Variants in PASD1 observed in about 807,000 individuals in gnomAD.
PASD1 encodes circadian clock protein PASD1.
PASD1 carries 13 observed loss-of-function variants against 58.8 expected under a neutral mutation model. The observed-to-expected ratio is 0.22, with a 90% CI of 0.14 to 0.35. The LOEUF (loss-of-function observed/expected upper bound fraction) is 0.35. PASD1 is among the 10% of genes least tolerant of loss of function. PASD1 has a pLI of 1.00. For synonymous variants in PASD1, 236 were observed against 216.7 expected (o/e 1.09, Z -0.78); for missense variants, 734 against 568.3 (o/e 1.29, Z -2.96).
chrX:151,570,597 A>G (rs950650875), intron 1 of PASD1, among the ~76,000 whole-genome samples: 2 of 112,436 alleles, frequency 1.8e-5, no homozygotes, highest in African/African-American at 3.2e-5. Context: ...TTTGGGAAGT[A>G]TTGTAGGGAA....
intron 1 of PASD1, among the ~76,000 whole-genome samples, chrX:151,584,693 C>T (rs182514741): frequency 8.7e-4 from 97 of 111,886 alleles, no homozygotes; most frequent in Non-Finnish European, 1.2e-3. Flanking sequence ...TTCTCTAACC[C>T]TTTGAAACAT....
chrX:151,634,484 T>C (rs2013905668), intron 8 of PASD1, among the ~76,000 whole-genome samples: 1 of 111,302 alleles, frequency 9.0e-6, no homozygotes, highest in Non-Finnish European at 1.9e-5. Context: ...TTGTCAGTTA[T>C]CTTTTGTAGC....
At position 151,671,715 on chromosome X, in the gene PASD1, TATC is replaced by T; in HGVS notation, c.1374_1376del (p.Leu458_Ser459delinsPhe). The T allele has an allele frequency of 8.3e-7, 1 of 1,210,911 alleles. No homozygotes were observed. Among genetic ancestry groups the T allele is most frequent in the Non-Finnish European group, 1.1e-6 (1 of 894,573 alleles). On this transcript the variant is annotated inframe_deletion, in exon 13 of 16. Coordinates refer to ENST00000370357, the MANE Select transcript of PASD1 (RefSeq NM_173493.3). ...AAGGACGTCAAGTGTTTCTGTGGTT[TATC>T]TTTATCCAACTCTCTCAAAAACACT... is the stretch of plus-strand genomic sequence containing the variant.
rs751275851 is a variant in PASD1, at chrX:151,611,708, C to T, written c.162C>T (p.Ile54=). The T allele has an allele frequency of 8.3e-7, 1 of 1,207,339 alleles. No individual in the cohort carries two copies. ...FMITLSTDGV[I]ICVAENISSL... is the part of the protein sequence containing the mutation. The stretch of plus-strand genomic sequence containing the variant: ...TTACACTGAGCACAGATGGAGTGAT[C>T]ATTTGTGTGGCTGAAAACATCTCTT... Residue 54 remains isoleucine (I), a synonymous_variant, in exon 4 of 16, where the codon ATC becomes ATT. Coordinates refer to ENST00000370357, the MANE Select transcript of PASD1 (RefSeq NM_173493.3).
rs2013769445 is a variant in PASD1 at position 151,625,323 on chromosome X, T to A, written c.547-125T>A. The A allele has an allele frequency of 1.1e-5, 5 of 468,241 alleles. No homozygotes were observed. In the East Asian group the frequency reaches 2.0e-4, roughly 19 times the overall value. 38.6% of individuals were successfully genotyped at this position (468,241 alleles called of 1,213,427 possible). A position where few individuals can be genotyped will look rare whatever the true frequency, so the allele number is the denominator to read the frequency against. ...CAAATCTGTAAAACTCCAGTGCATT[T>A]CTCACATTGATATGCAGATTATTTG... On this transcript the variant is annotated intron_variant, in intron 7 of 15. Transcript: ENST00000370357.
chrX:151,580,722 A>G (rs1050772431), intron 1 of PASD1, among the ~76,000 whole-genome samples: 7 of 110,564 alleles, frequency 6.3e-5, no homozygotes, highest in African/African-American at 2.3e-4. Flanking sequence ...CTCTCTTGAT[A>G]TGGAAAGATG....
At chrX:151,632,892 A>G (rs2013886169) in intron 8 of PASD1, among the ~76,000 whole-genome samples, 1 of 110,927 alleles carries the variant, frequency 9.0e-6, no homozygotes, top group Non-Finnish European at 1.9e-5. Context: ...AAAAAGAAAT[A>G]AGATCTATAT....
At chrX:151,643,083 A>G (rs1235702533) in intron 8 of PASD1, among the ~76,000 whole-genome samples, 1 of 112,155 alleles carries the variant, frequency 8.9e-6, no homozygotes, top group African/African-American at 3.2e-5. Context: ...GCATACTGCA[A>G]ATTTTATGAA....
chrX:151,618,447 T>C (rs1019022146), intron 4 of PASD1, among the ~76,000 whole-genome samples: 2 of 112,169 alleles, frequency 1.8e-5, no homozygotes, highest in African/African-American at 6.5e-5. Flanking sequence ...AATTTATCCA[T>C]GTCTCACCGT....
chrX:151,576,972 C>T (rs986285269), intron 1 of PASD1, among the ~76,000 whole-genome samples: 3 of 111,818 alleles, frequency 2.7e-5, no homozygotes, highest in Non-Finnish European at 5.6e-5. Context: ...TCACCCAACT[C>T]TTTCAAATGG....
intron 3 of PASD1, among the ~76,000 whole-genome samples, chrX:151,605,410 C>A (rs1186123241): frequency 9.0e-6 from 1 of 111,182 alleles, no homozygotes; most frequent in Non-Finnish European, 1.9e-5. Flanking sequence ...CGTCCAGTCC[C>A]TTTTCTCCTT....
At chrX:151,670,087 CTA>C (rs1176413522) in intron 11 of PASD1, among the ~76,000 whole-genome samples, 1 of 112,135 alleles carries the variant, frequency 8.9e-6, no homozygotes, top group African/African-American at 3.2e-5. Flanking sequence ...AAATGTGTCT[CTA>C]TATCGTCTAC....
intron 1 of PASD1, among the ~76,000 whole-genome samples, chrX:151,587,567 G>A (rs1031551508): frequency 2.9e-5 from 3 of 101,828 alleles, no homozygotes; most frequent in Non-Finnish European, 6.0e-5. Flanking sequence ...GCGTGCTTCC[G>A]TGGAATTGAG....
In PASD1 at chrX:151,612,737, A is replaced by G. The variant is rs760337533; in HGVS notation, c.207+984A>G. Among the ~76,000 whole-genome samples the G allele has an allele frequency of 9.8e-3, 1,089 of 111,026 alleles. 18 individuals are homozygous for G. The highest frequency in any genetic ancestry group is 0.034 in the African/African-American group (1,047 of 30,449). On this transcript the variant is annotated intron_variant, in intron 4 of 15. Transcript: ENST00000370357. The stretch of plus-strand genomic sequence containing the variant: ...TATTAGCCCTTTGTCAGATGAGTAG[A>G]TTGCAAAAATTTTCTCCCGTTCTGT...
chrX:151,607,859 G>A (rs746125722), intron 3 of PASD1, among the ~76,000 whole-genome samples: 8 of 111,940 alleles, frequency 7.1e-5, no homozygotes, highest in Admixed American at 1.9e-4. Context: ...TAGGAGACTA[G>A]GTTGGGACTG....
At chrX:151,628,997 G>C (rs2013831542) in intron 8 of PASD1, among the ~76,000 whole-genome samples, 1 of 111,926 alleles carries the variant, frequency 8.9e-6, no homozygotes, top group South Asian at 3.7e-4. Flanking sequence ...CTGTTTGTCT[G>C]TTATTGGTGT....
At chrX:151,627,891 G>A (rs1032863518) in intron 8 of PASD1, among the ~76,000 whole-genome samples, 2 of 111,195 alleles carry the variant, frequency 1.8e-5, no homozygotes, top group East Asian at 2.8e-4. Context: ...TTTAATGATC[G>A]CCATTCTAAC....
chrX:151,594,500 A>C (rs1184791729), intron 1 of PASD1, among the ~76,000 whole-genome samples: 1 of 111,311 alleles, frequency 9.0e-6, no homozygotes, highest in Non-Finnish European at 1.9e-5. Flanking sequence ...TCTTTAATTT[A>C]TTACAGTCTG....
At position 151,673,925 on chromosome X, in the gene PASD1, C is replaced by A. The variant is rs375783192; in HGVS notation, c.1917-3C>A. On this transcript the variant is annotated splice_region_variant and splice_polypyrimidine_tract_variant and intron_variant, in intron 14 of 15. Coordinates refer to ENST00000370357, the MANE Select transcript of PASD1 (RefSeq NM_173493.3). ...TCACTGCAACAGCTTTCTTCTCTTA[C>A]AGTTTTTATCCTGAGGCGTATCAAG... 3.0e-5 allele frequency: 36 copies of A among 1,209,446 alleles called. No individual in the cohort carries two copies. The highest frequency in any genetic ancestry group is 1.6e-4 in the African/African-American group (9 of 57,198).
Sources: gnomAD v4.1 joint callset for allele counts (sites outside exome capture counted in the v4.1 genomes callset) on GRCh38, gnomAD v4.1.1 for gene constraint, MANE v1.5 for transcripts, NCBI Gene and HGNC (gene_info 2026-07-23, HGNC 2026-07-21) for gene names.